The following RARB variants were observed in gnomAD, a reference collection of about 807,000 sequenced individuals.
RARB encodes the protein retinoic acid receptor beta.
A neutral mutation model predicts 51.9 loss-of-function variants in RARB; 17 were observed. The ratio of observed to expected loss-of-function variants is 0.33; its 90% CI spans 0.22 to 0.49. RARB has a LOEUF of 0.49. Among genes scored for constraint, RARB ranks in the 20% least tolerant of loss-of-function variants. RARB has a pLI of 0.99. For missense variants in RARB, 369 were observed against 550.8 expected (o/e 0.67, Z 3.30); for synonymous variants, 215 against 195.4 (o/e 1.10, Z -0.84).
intron 3 of RARB, among the ~76,000 whole-genome samples, chr3:25,569,428 T>C (rs150848660): frequency 6.6e-6 from 1 of 152,218 alleles, no homozygotes; most frequent in African/African-American, 2.4e-5. Context: ...GGTAAAGCTC[T>C]TGGAAAAATC....
intron 2 of RARB, among the ~76,000 whole-genome samples, chr3:24,859,927 C>T (rs62228444): frequency 0.17 from 25,625 of 152,026 alleles, 2,515 homozygotes; most frequent in East Asian, 0.49. Context: ...AATATATTTT[C>T]CTTGCAATTT....
At chr3:24,922,629 T>C (rs1479129102) in intron 2 of RARB, among the ~76,000 whole-genome samples, 2 of 152,136 alleles carry the variant, frequency 1.3e-5, no homozygotes, top group Non-Finnish European at 2.9e-5. Flanking sequence ...AACCTCTAAA[T>C]TATACTGCCT....
intron 2 of RARB, among the ~76,000 whole-genome samples, chr3:24,961,919 C>CTT (rs35078496): frequency 1.3e-4 from 9 of 70,716 alleles, no homozygotes; most frequent in African/African-American, 2.3e-4. Context: ...CTTTGGGTGT[C>CTT]TTTTTTTTTT....
intron 1 of RARB, among the ~76,000 whole-genome samples, chr3:25,456,682 T>TAGAGAGAGAG (rs201238732): frequency 2.8e-4 from 25 of 88,360 alleles, no homozygotes; most frequent in Non-Finnish European, 4.5e-4. Context: ...TATATATATA[T>TAGAGAGAGAG]AGAGAGAGAG....
chr3:25,181,139 C>T (rs1317852501), intron 5 of RARB, among the ~76,000 whole-genome samples: 1 of 152,066 alleles, frequency 6.6e-6, no homozygotes, highest in Non-Finnish European at 1.5e-5. Flanking sequence ...TTTTAAAGCA[C>T]TTTGTCTGTC....
chr3:25,206,631 C>A (rs1322046500), intron 5 of RARB, among the ~76,000 whole-genome samples: 2 of 152,054 alleles, frequency 1.3e-5, no homozygotes, highest in Non-Finnish European at 2.9e-5. Flanking sequence ...AAAGACAAGT[C>A]AATTACAGAG....
At chr3:25,309,229 C>T (rs561564461) in intron 5 of RARB, among the ~76,000 whole-genome samples, 1 of 149,338 alleles carries the variant, frequency 6.7e-6, no homozygotes, top group East Asian at 2.0e-4. Context: ...CAAGCTCCAC[C>T]TCCCAGGTTC....
chr3:25,456,331 A>T (rs1575420827), intron 1 of RARB, among the ~76,000 whole-genome samples: 1 of 152,224 alleles, frequency 6.6e-6, no homozygotes, highest in East Asian at 1.9e-4. Context: ...CTTATTTCCC[A>T]CTGACTTTCT....
At chr3:25,436,958 G>A (rs1708460424) in intron 1 of RARB, among the ~76,000 whole-genome samples, 1 of 152,126 alleles carries the variant, frequency 6.6e-6, no homozygotes, top group Admixed American at 6.5e-5. Flanking sequence ...TATGAAATGG[G>A]AATAATAGTG....
intron 2 of RARB, among the ~76,000 whole-genome samples, chr3:25,000,617 C>G (rs1295328077): frequency 6.6e-6 from 1 of 152,024 alleles, no homozygotes; most frequent in Non-Finnish European, 1.5e-5. Flanking sequence ...TAAGAAAAAT[C>G]TGTTGAGTAT....
At chr3:24,918,685 C>A (rs1245663566) in intron 2 of RARB, among the ~76,000 whole-genome samples, 1 of 152,098 alleles carries the variant, frequency 6.6e-6, no homozygotes, top group Non-Finnish European at 1.5e-5. Flanking sequence ...GAGTTCAAGA[C>A]CATCCTGGCC....
intron 2 of RARB, among the ~76,000 whole-genome samples, chr3:24,917,098 A>T (rs1050107002): frequency 6.6e-6 from 1 of 152,192 alleles, no homozygotes. Flanking sequence ...TTTGTTTTTT[A>T]AAAAAATTTT....
intron 4 of RARB, among the ~76,000 whole-genome samples, chr3:25,160,336 C>T (rs2125346134): frequency 6.6e-6 from 1 of 152,332 alleles, no homozygotes; most frequent in South Asian, 2.1e-4. Flanking sequence ...AATAAAATTA[C>T]TGCACTCTTG....
intron 5 of RARB, among the ~76,000 whole-genome samples, chr3:25,364,622 AAG>A (rs1325321421): frequency 6.6e-6 from 1 of 152,224 alleles, no homozygotes; most frequent in African/African-American, 2.4e-5. Flanking sequence ...GTGATGAAGT[AAG>A]AGAGCAATGG....
At chr3:25,498,333 C>T (rs932721499) in intron 2 of RARB, among the ~76,000 whole-genome samples, 2 of 152,148 alleles carry the variant, frequency 1.3e-5, no homozygotes, top group East Asian at 1.9e-4. Flanking sequence ...TTTGTATAAA[C>T]TCATAATATC....
chr3:24,897,652 A>G (rs910142332), intron 2 of RARB, among the ~76,000 whole-genome samples: 5 of 152,088 alleles, frequency 3.3e-5, no homozygotes, highest in African/African-American at 1.2e-4. Context: ...TTCTTTTTCT[A>G]GGCCTTCCAT....
chr3:24,953,995 C>G (rs974043700), intron 2 of RARB, among the ~76,000 whole-genome samples: 2 of 152,136 alleles, frequency 1.3e-5, no homozygotes, highest in Non-Finnish European at 2.9e-5. Flanking sequence ...AGTTTTGTCT[C>G]TTTGTCCTTT....
chr3:25,332,330 A>G (rs995247511), intron 5 of RARB, among the ~76,000 whole-genome samples: 1 of 152,228 alleles, frequency 6.6e-6, no homozygotes, highest in Non-Finnish European at 1.5e-5. Context: ...ATCCACCACG[A>G]TCAAGTTGGC....
At chr3:25,250,409 C>G (rs1702683210) in intron 5 of RARB, among the ~76,000 whole-genome samples, 1 of 152,134 alleles carries the variant, frequency 6.6e-6, no homozygotes, top group Non-Finnish European at 1.5e-5. Flanking sequence ...TGCAGTCCTA[C>G]TACTGAGGAG....
Sources: gnomAD v4.1 joint callset for allele counts (sites outside exome capture counted in the v4.1 genomes callset) on GRCh38, gnomAD v4.1.1 for gene constraint, MANE v1.5 for transcripts, NCBI Gene and HGNC (gene_info 2026-07-23, HGNC 2026-07-21) for gene names.